CNTNAP2: variants seen among roughly 807,000 people sequenced by gnomAD.
CNTNAP2 encodes the protein contactin-associated protein-like 2.
CNTNAP2 carries 98 observed loss-of-function variants against 155.2 expected under a neutral mutation model. The ratio of observed to expected loss-of-function variants is 0.63; its 90% CI spans 0.54 to 0.75. CNTNAP2 has a LOEUF of 0.75. Among genes scored for constraint, CNTNAP2 ranks in the 30% least tolerant of loss-of-function variants. The pLI, the probability that CNTNAP2 is intolerant of heterozygous loss-of-function variation, is 0.00. For missense variants in CNTNAP2, 1,727 were observed against 1,688.1 expected, an observed-to-expected ratio of 1.02 and a Z score of -0.40; for synonymous variants, 651 against 631.2, an observed-to-expected ratio of 1.03 and a Z score of -0.47.
chr7:146,407,841 A>T (rs1401822202), intron 1 of CNTNAP2, among the ~76,000 whole-genome samples: 3 of 152,078 alleles, frequency 2.0e-5, no homozygotes, highest in Non-Finnish European at 4.4e-5. Context: ...CAGTCTACTT[A>T]ATGTGAAGAT....
intron 1 of CNTNAP2, among the ~76,000 whole-genome samples, chr7:146,264,628 A>G (rs1249536331): frequency 6.6e-6 from 1 of 152,194 alleles, no homozygotes; most frequent in East Asian, 1.9e-4. Flanking sequence ...GGAAACAGAA[A>G]TAGCACGTGG....
chr7:147,871,955 T>G (rs1016072077), intron 13 of CNTNAP2, among the ~76,000 whole-genome samples: 2 of 152,204 alleles, frequency 1.3e-5, no homozygotes, highest in Non-Finnish European at 2.9e-5. Flanking sequence ...TAATGCTTTT[T>G]TCGTACGTGT....
chr7:146,906,399 CCTGT>C (rs1796128007), intron 3 of CNTNAP2, among the ~76,000 whole-genome samples: 1 of 152,066 alleles, frequency 6.6e-6, no homozygotes, highest in African/African-American at 2.4e-5. Flanking sequence ...CTTAAATGTC[CCTGT>C]CTGACAGCTT....
intron 1 of CNTNAP2, among the ~76,000 whole-genome samples, chr7:146,622,307 A>AT (rs1330963598): frequency 6.7e-6 from 1 of 150,058 alleles, no homozygotes; most frequent in Non-Finnish European, 1.5e-5. Flanking sequence ...TAGCTTGTAT[A>AT]TTTTTTGCTC....
chr7:148,266,902 G>T, intron 20 of CNTNAP2, 131 bp from the exon 21 acceptor site: 1 of 837,402 alleles, frequency 1.2e-6, no homozygotes, highest in Non-Finnish European at 2.0e-6. Flanking sequence ...TGGTGTTTTA[G>T]AGTCAGTGCT....
At chr7:147,955,347 T>G (rs560042354) in intron 14 of CNTNAP2, among the ~76,000 whole-genome samples, 1 of 152,144 alleles carries the variant, frequency 6.6e-6, no homozygotes, top group Non-Finnish European at 1.5e-5. Flanking sequence ...AAGACAACAT[T>G]AAAAACCCTC....
chr7:147,343,815 C>T (rs1379694380), intron 9 of CNTNAP2, among the ~76,000 whole-genome samples: 2 of 152,060 alleles, frequency 1.3e-5, no homozygotes, highest in Admixed American at 1.3e-4. Context: ...GTGTGTGTCT[C>T]TGTGTCACTA....
intron 11 of CNTNAP2, among the ~76,000 whole-genome samples, chr7:147,486,889 C>CTG (rs10544219): frequency 0.028 from 4,049 of 146,926 alleles, 162 homozygotes; most frequent in African/African-American, 0.085. Context: ...ACGTATGTGC[C>CTG]TGTGTGTGTG....
chr7:147,924,299 C>T (rs1450464698), intron 14 of CNTNAP2, among the ~76,000 whole-genome samples: 1 of 151,786 alleles, frequency 6.6e-6, no homozygotes, highest in East Asian at 1.9e-4. Context: ...CCACAATGCC[C>T]GGCTAATTTT....
intron 3 of CNTNAP2, among the ~76,000 whole-genome samples, chr7:146,931,637 T>G (rs1216890473): frequency 4.6e-5 from 7 of 150,812 alleles, no homozygotes; most frequent in African/African-American, 1.7e-4. Context: ...AAAAAATTAA[T>G]GAATCCAGGA....
intron 12 of CNTNAP2, among the ~76,000 whole-genome samples, chr7:147,563,454 C>T (rs191611345): frequency 1.3e-5 from 2 of 151,984 alleles, no homozygotes; most frequent in East Asian, 1.9e-4. Flanking sequence ...CATGAGGAAA[C>T]CCTGTCTCTA....
chr7:147,236,481 T>A (rs1179584762), intron 8 of CNTNAP2, among the ~76,000 whole-genome samples: 1 of 152,082 alleles, frequency 6.6e-6, no homozygotes. Context: ...ATAGTCTGTA[T>A]CTGATCATTC....
chr7:148,132,793 G>T (rs1218594876), intron 16 of CNTNAP2, among the ~76,000 whole-genome samples: 1 of 152,170 alleles, frequency 6.6e-6, no homozygotes, highest in Non-Finnish European at 1.5e-5. Context: ...TTAGTAAAGG[G>T]AACATCTCCA....
At chr7:147,132,733 G>A (rs529710972) in intron 8 of CNTNAP2, among the ~76,000 whole-genome samples, 14 of 152,158 alleles carry the variant, frequency 9.2e-5, no homozygotes, top group African/African-American at 2.9e-4. Context: ...GTTGAGATTG[G>A]AAAAGCAAAA....
chr7:147,402,828 A>G (rs1469776433), intron 10 of CNTNAP2, among the ~76,000 whole-genome samples: 1 of 152,094 alleles, frequency 6.6e-6, no homozygotes, highest in Non-Finnish European at 1.5e-5. Flanking sequence ...CCCTCTACAC[A>G]TTAGACCCTC....
chr7:146,675,851 A>T (rs1360336836), intron 1 of CNTNAP2, among the ~76,000 whole-genome samples: 1 of 151,092 alleles, frequency 6.6e-6, no homozygotes, highest in Non-Finnish European at 1.5e-5. Context: ...TCATTAAAAA[A>T]CATTTGCTTT....
chr7:147,840,703 A>G lies in CNTNAP2; in HGVS notation c.2099-62862A>G, dbSNP rs540436711. Among the ~76,000 whole-genome samples, 4 of 152,332 alleles carry G rather than the reference A, an allele frequency of 2.6e-5. No homozygotes were observed. The South Asian group carries it at 8.3e-4, about 32-fold the overall frequency. On this transcript the variant is annotated intron_variant, in intron 13 of 23. Transcript: ENST00000361727. ...ATGGAGATCAGAATGAATTTGAAAG[A>G]ATTGAATGTAATCCAGAAGAGAAAT...
At chr7:147,428,173 T>G (rs1373018676) in intron 10 of CNTNAP2, among the ~76,000 whole-genome samples, 1 of 152,122 alleles carries the variant, frequency 6.6e-6, no homozygotes, top group Non-Finnish European at 1.5e-5. Context: ...CAATCACAAA[T>G]AGTCTAGCTT....
At chr7:147,938,145 G>A (rs956788572) in intron 14 of CNTNAP2, among the ~76,000 whole-genome samples, 4 of 152,138 alleles carry the variant, frequency 2.6e-5, no homozygotes, top group South Asian at 2.1e-4. Flanking sequence ...CATTCACTGC[G>A]TAGAGATAAG....
Sources: allele counts gnomAD v4.1 joint callset (sites outside exome capture counted in the v4.1 genomes callset), GRCh38; gene constraint gnomAD v4.1.1; transcripts MANE v1.5; gene names NCBI Gene and HGNC (gene_info 2026-07-23, HGNC 2026-07-21).